Variants in CORO2B observed in about 807,000 individuals in gnomAD.
CORO2B encodes the protein coronin 2B.
In CORO2B, 26 loss-of-function variants were observed where a neutral mutation model predicts 58.8. That is an observed-to-expected ratio of 0.44 (90% CI 0.32 to 0.61). The LOEUF (loss-of-function observed/expected upper bound fraction) is 0.61. Among genes scored for constraint, CORO2B ranks in the 20% least tolerant of loss-of-function variants. CORO2B has a pLI of 0.04. For synonymous variants in CORO2B, 242 were observed against 253.8 expected (o/e 0.95, Z 0.44); for missense variants, 460 against 645.1 (o/e 0.71, Z 3.11).
At chr15:68,696,667 G>T (rs758947703) in intron 3 of CORO2B, among the ~76,000 whole-genome samples, 7 of 152,064 alleles carry the variant, frequency 4.6e-5, no homozygotes, top group Non-Finnish European at 7.4e-5. Flanking sequence ...GTCAGAGGGC[G>T]CTGGCAGTGG....
chr15:68,579,525 C>T (rs1324043586), intron 1 of CORO2B, among the ~76,000 whole-genome samples: 2 of 152,342 alleles, frequency 1.3e-5, no homozygotes, highest in Middle Eastern at 3.4e-3. Flanking sequence ...CCGGCCCAAC[C>T]CCGGGACTGC....
intron 11 of CORO2B, among the ~76,000 whole-genome samples, chr15:68,722,125 G>T (rs1331156957): frequency 1.3e-5 from 2 of 152,216 alleles, no homozygotes; most frequent in East Asian, 3.8e-4. Flanking sequence ...GCCCAGGAGG[G>T]CAATAACAAG....
intron 1 of CORO2B, among the ~76,000 whole-genome samples, chr15:68,640,153 T>C (rs190343215): frequency 2.0e-5 from 3 of 152,246 alleles, no homozygotes; most frequent in Admixed American, 2.0e-4. Context: ...CACCCAGCTT[T>C]GGCCCACAGT....
chr15:68,625,920 T>G (rs567855922), intron 1 of CORO2B, among the ~76,000 whole-genome samples: 1 of 152,128 alleles, frequency 6.6e-6, no homozygotes, highest in South Asian at 2.1e-4. Flanking sequence ...TTACTGTATT[T>G]GAGAGTCATC....
chr15:68,606,483 T>C (rs1271074896), intron 1 of CORO2B, among the ~76,000 whole-genome samples: 1 of 152,194 alleles, frequency 6.6e-6, no homozygotes, highest in East Asian at 1.9e-4. Context: ...GCATGACTTA[T>C]AGCACATGTA....
At chr15:68,716,931 TA>T (rs1893044656) in intron 8 of CORO2B, among the ~76,000 whole-genome samples, 1 of 152,032 alleles carries the variant, frequency 6.6e-6, no homozygotes, top group Non-Finnish European at 1.5e-5. Context: ...TTGCATTTGA[TA>T]AGGAAATCAT....
At chr15:68,606,654 C>T (rs1482767455) in intron 1 of CORO2B, among the ~76,000 whole-genome samples, 1 of 152,114 alleles carries the variant, frequency 6.6e-6, no homozygotes, top group Non-Finnish European at 1.5e-5. Flanking sequence ...GATACAGAAA[C>T]ATTGAAAGGA....
intron 1 of CORO2B, among the ~76,000 whole-genome samples, chr15:68,579,594 G>A (rs1210556427): frequency 6.6e-6 from 1 of 152,194 alleles, no homozygotes; most frequent in Non-Finnish European, 1.5e-5. Context: ...GGGCTGGGCG[G>A]CTAGCGGTGT....
intron 1 of CORO2B, among the ~76,000 whole-genome samples, chr15:68,635,518 C>G (rs569901344): frequency 6.6e-6 from 1 of 152,270 alleles, no homozygotes; most frequent in Non-Finnish European, 1.5e-5. Flanking sequence ...ATTCTACCAC[C>G]CCCAGGGCAG....
chr15:68,636,130 A>G (rs1372662078), intron 1 of CORO2B, among the ~76,000 whole-genome samples: 2 of 152,242 alleles, frequency 1.3e-5, no homozygotes, highest in Non-Finnish European at 2.9e-5. Context: ...GATGCAGGAT[A>G]TAATGAATGT....
intron 11 of CORO2B, among the ~76,000 whole-genome samples, chr15:68,723,235 CCTT>C (rs1219061259): frequency 1.5e-5 from 2 of 133,712 alleles, no homozygotes; most frequent in African/African-American, 5.7e-5. Context: ...AATTCTCCTG[CCTT>C]AGCCTCCCAA....
At chr15:68,531,589 A>G in the CORO2B span, among the ~76,000 whole-genome samples, 5 of 147,878 alleles carry the variant, frequency 3.4e-5, no homozygotes, top group African/African-American at 7.4e-5. Flanking sequence ...AGAAAGAGAA[A>G]GAAAGAAGGA....
intron 2 of CORO2B, among the ~76,000 whole-genome samples, chr15:68,655,040 G>A (rs755546909): frequency 1.3e-4 from 20 of 152,182 alleles, no homozygotes; most frequent in Non-Finnish European, 2.9e-4. Context: ...GCCTGGAGAT[G>A]GGGGATTCTA....
At chr15:68,684,951 T>G (rs550204083) in intron 2 of CORO2B, among the ~76,000 whole-genome samples, 18 of 152,292 alleles carry the variant, frequency 1.2e-4, no homozygotes, top group African/African-American at 4.3e-4. Flanking sequence ...CCAGGAAGAC[T>G]ATAAGCAACC....
chr15:68,673,724 C>T (rs1902479736), intron 2 of CORO2B, among the ~76,000 whole-genome samples: 1 of 151,370 alleles, frequency 6.6e-6, no homozygotes, highest in East Asian at 2.0e-4. Flanking sequence ...GTAATCCCAG[C>T]TACTCAGGAG....
intron 3 of CORO2B, among the ~76,000 whole-genome samples, chr15:68,697,976 G>A (rs4777082): frequency 5.9e-5 from 9 of 152,322 alleles, no homozygotes; most frequent in African/African-American, 1.4e-4. Context: ...GGAGAGTGGC[G>A]GGAAGGGCTG....
intron 11 of CORO2B, 120 bp from the exon 12 acceptor site, chr15:68,725,723 G>A: frequency 7.9e-7 from 1 of 1,266,102 alleles, no homozygotes; most frequent in Non-Finnish European, 1.1e-6. Flanking sequence ...ATCAAGCAGT[G>A]GGAGGCCTGG....
intron 1 of CORO2B, among the ~76,000 whole-genome samples, chr15:68,624,902 C>G (rs969378468): frequency 6.6e-6 from 1 of 152,068 alleles, no homozygotes; most frequent in East Asian, 1.9e-4. Flanking sequence ...AGGCTGGTCT[C>G]GAACTCCTGA....
intron 2 of CORO2B, among the ~76,000 whole-genome samples, chr15:68,662,020 A>C (rs1902030637): frequency 6.6e-6 from 1 of 151,588 alleles, no homozygotes; most frequent in South Asian, 2.1e-4. Flanking sequence ...AAATAAATAA[A>C]TAAATAAATT....
Sources: gnomAD v4.1 joint callset for allele counts (sites outside exome capture counted in the v4.1 genomes callset) on GRCh38, gnomAD v4.1.1 for gene constraint, MANE v1.5 for transcripts, NCBI Gene and HGNC (gene_info 2026-07-23, HGNC 2026-07-21) for gene names.